The following NPIPB2 variants were observed in gnomAD, a reference collection of about 807,000 sequenced individuals.
NPIPB2 encodes nuclear pore complex interacting protein family member B2, also known as nuclear pore complex-interacting protein family member B2.
Under a neutral mutation model 30.8 loss-of-function variants are expected in NPIPB2, and 27 were observed. The ratio of observed to expected loss-of-function variants is 0.88; its 90% CI spans 0.65 to 1.21. The LOEUF (loss-of-function observed/expected upper bound fraction) is 1.21, where lower values mean the gene tolerates loss of function less well. NPIPB2 is among the 50% of genes most tolerant of loss of function. NPIPB2 has a pLI of 0.00. For missense variants in NPIPB2, 440 were observed against 446.2 expected (o/e 0.99, Z 0.13); for synonymous variants, 147 against 162.0 (o/e 0.91, Z 0.70).
intron 2 of NPIPB2, among the ~76,000 whole-genome samples, chr16:11,936,151 A>C (rs199636799): frequency 0.26 from 37,203 of 141,456 alleles, 5,637 homozygotes; most frequent in East Asian, 0.57. Context: ...TAAAAATACA[A>C]AAATTAGCTG....
chr16:11,959,958 T>A (rs529973085), intron 1 of NPIPB2, among the ~76,000 whole-genome samples: 159 of 152,232 alleles, frequency 1.0e-3, no homozygotes, highest in Non-Finnish European at 1.7e-3. Context: ...AAATTATTTG[T>A]AGAGATAGGG....
chr16:11,932,532 C>T lies in NPIPB2; in HGVS notation c.488+985G>A, dbSNP rs570529858. On this transcript the variant is annotated intron_variant, in intron 4 of 7. Coordinates refer to ENST00000399147, the Ensembl canonical transcript of NPIPB2. ...GTGGCTCATGCCTGTAATCTCAGCA[C>T]ATTGGGAGGCCGAGGTGTGCGGATC... Among the ~76,000 whole-genome samples, 7 of 151,724 alleles carry T rather than the reference C, an allele frequency of 4.6e-5. No individual in the cohort carries two copies. The East Asian group carries it at 1.2e-3, about 25-fold the overall frequency.
intron 1 of NPIPB2, among the ~76,000 whole-genome samples, chr16:11,960,843 G>C (rs748134918): frequency 6.6e-6 from 1 of 151,216 alleles, no homozygotes; most frequent in Non-Finnish European, 1.5e-5. Flanking sequence ...TTGCTTGACT[G>C]TTATGGGAGA....
chr16:11,948,927 CA>C (rs1445140278), intron 1 of NPIPB2, among the ~76,000 whole-genome samples: 4 of 152,104 alleles, frequency 2.6e-5, no homozygotes, highest in African/African-American at 9.6e-5. Context: ...TGCTTGAGGC[CA>C]GGACTTGGAG....
rs1055178013 is a variant in NPIPB2, at chr16:11,975,653, G to T, written c.-584+915C>A. The stretch of plus-strand genomic sequence containing the variant: ...TCACCCAGGCTGGAGTGCAGTGGTG[G>T]GATCTCGGCTCACTGAAACCTCTGC... On this transcript the variant is annotated intron_variant, in intron 1 of 5. Coordinates refer to the NPIPB2 transcript ENST00000538896. 3.3e-5 allele frequency among the ~76,000 whole-genome samples: 5 copies of T among 151,342 alleles called. No individual in the cohort carries two copies. The East Asian group carries it at 5.9e-4, about 18-fold the overall frequency.
intron 1 of NPIPB2, among the ~76,000 whole-genome samples, chr16:11,954,317 T>C (rs1193891360): frequency 6.6e-6 from 1 of 151,456 alleles, no homozygotes; most frequent in Admixed American, 6.6e-5. Flanking sequence ...CGAGACCCCA[T>C]CTCTGAAAAA....
chr16:11,941,361 G>C (rs1237922507), intron 1 of NPIPB2: 2 of 275,176 alleles, frequency 7.3e-6, no homozygotes, highest in Admixed American at 6.4e-5. Context: ...GGGGAGGGGA[G>C]GGGGAGGGGA....
At chr16:11,957,875 C>G (rs1188983920) in intron 1 of NPIPB2, among the ~76,000 whole-genome samples, 1 of 152,164 alleles carries the variant, frequency 6.6e-6, no homozygotes, top group African/African-American at 2.4e-5. Context: ...TTGCATGAAG[C>G]AATTCCTTAA....
At chr16:11,958,178 C>T (rs893000479) in intron 1 of NPIPB2, among the ~76,000 whole-genome samples, 4 of 152,092 alleles carry the variant, frequency 2.6e-5, no homozygotes, top group African/African-American at 9.7e-5. Flanking sequence ...GTAATTCCAA[C>T]ACTTTGGGAG....
intron 1 of NPIPB2, chr16:11,965,485 TG>T (rs1342605475): frequency 6.2e-7 from 1 of 1,611,064 alleles, no homozygotes; most frequent in Non-Finnish European, 8.5e-7. Flanking sequence ...GATTATTCAT[TG>T]GTGTGAACTA....
intron 1 of NPIPB2, among the ~76,000 whole-genome samples, chr16:11,973,396 T>C (rs1424998699): frequency 6.6e-6 from 1 of 152,122 alleles, no homozygotes; most frequent in African/African-American, 2.4e-5. Context: ...TTCTTTCCAC[T>C]GTGGGGGCCA....
At chr16:11,974,617 C>T (rs1386205364) in intron 1 of NPIPB2, among the ~76,000 whole-genome samples, 2 of 152,156 alleles carry the variant, frequency 1.3e-5, no homozygotes, top group Non-Finnish European at 2.9e-5. Context: ...GAATGTACTA[C>T]CTACAGAATT....
intron 1 of NPIPB2, chr16:11,967,604 G>A: frequency 6.2e-7 from 1 of 1,613,970 alleles, no homozygotes; most frequent in Non-Finnish European, 8.5e-7. Context: ...ACATTGACCT[G>A]GAAAAGAGCA....
chr16:11,927,353 C>T (rs2150904298), downstream of NPIPB2: 2 of 844,588 alleles, frequency 2.4e-6, no homozygotes, highest in East Asian at 5.3e-5. Flanking sequence ...TTTTGTTCTA[C>T]TCAGTTTTAT....
At chr16:11,975,426 C>A (rs566090958) in intron 1 of NPIPB2, among the ~76,000 whole-genome samples, 1 of 151,820 alleles carries the variant, frequency 6.6e-6, no homozygotes, top group African/African-American at 2.4e-5. Flanking sequence ...GGATTACAGG[C>A]GTGAGCCACC....
At chr16:11,932,022 GAC>G (rs1377359255) in intron 4 of NPIPB2, among the ~76,000 whole-genome samples, 3 of 150,946 alleles carry the variant, frequency 2.0e-5, no homozygotes, top group African/African-American at 7.3e-5. Flanking sequence ...CAATGAAAGC[GAC>G]CCATACTGAA....
At chr16:11,945,858 T>G (rs1040270509), upstream of NPIPB2, among the ~76,000 whole-genome samples, 2 of 151,660 alleles carry the variant, frequency 1.3e-5, no homozygotes. Flanking sequence ...TTTAAAGCAT[T>G]ATTCTTTCTG....
At chr16:11,937,832 G>T (rs1170968536) in intron 1 of NPIPB2, among the ~76,000 whole-genome samples, 164 bp from the exon 2 acceptor site, 1 of 152,188 alleles carries the variant, frequency 6.6e-6, no homozygotes, top group Non-Finnish European at 1.5e-5. Flanking sequence ...GAAGTTAGAA[G>T]TCACATGTTT....
intron 1 of NPIPB2, chr16:11,941,140 G>C (rs534074184): frequency 4.5e-5 from 67 of 1,483,440 alleles, no homozygotes; most frequent in South Asian, 2.3e-4. Context: ...TAAAAAGGAA[G>C]AAACCCCGCG....
Sources: allele counts gnomAD v4.1 joint callset (sites outside exome capture counted in the v4.1 genomes callset), GRCh38; gene constraint gnomAD v4.1.1; transcripts MANE v1.5; gene names NCBI Gene and HGNC (gene_info 2026-07-23, HGNC 2026-07-21).